The following FYB1 variants were observed in gnomAD, a reference collection of about 807,000 sequenced individuals.
FYB1 encodes FYN-binding protein 1.
FYB1 carries 41 observed loss-of-function variants against 94.1 expected under a neutral mutation model. That is an observed-to-expected ratio of 0.44 (90% CI 0.34 to 0.57). The LOEUF is 0.57. Among genes scored for constraint, FYB1 ranks in the 20% least tolerant of loss-of-function variants. The pLI, the probability that FYB1 is intolerant of heterozygous loss-of-function variation, is 0.02. For missense variants in FYB1, 1,050 were observed against 976.8 expected (o/e 1.07, Z -1.00); for synonymous variants, 367 against 353.2 (o/e 1.04, Z -0.44).
At chr5:39,205,299 G>T (rs1219061917) in intron 1 of FYB1, among the ~76,000 whole-genome samples, 3 of 152,164 alleles carry the variant, frequency 2.0e-5, no homozygotes, top group Non-Finnish European at 4.4e-5. Context: ...TACTCGCTAT[G>T]TAACCTTGGA....
At chr5:39,221,544 G>T (rs983866162), upstream of FYB1, among the ~76,000 whole-genome samples, 4 of 152,158 alleles carry the variant, frequency 2.6e-5, no homozygotes, top group Middle Eastern at 3.2e-3. Context: ...GAAATACCCA[G>T]GAATATGTAA....
intron 3 of FYB1, among the ~76,000 whole-genome samples, chr5:39,146,153 G>A (rs996594568): frequency 5.3e-5 from 8 of 152,126 alleles, no homozygotes; most frequent in Non-Finnish European, 1.0e-4. Flanking sequence ...AACCTCAGGT[G>A]ATTCACCTGC....
intron 2 of FYB1, among the ~76,000 whole-genome samples, chr5:39,163,747 A>G (rs1354709547): frequency 6.6e-6 from 1 of 152,208 alleles, no homozygotes; most frequent in African/African-American, 2.4e-5. Context: ...TAAGAAGGAA[A>G]AATGTCAGCA....
At chr5:39,271,762 T>C (rs756692661) in intron 1 of FYB1, among the ~76,000 whole-genome samples, 1 of 152,220 alleles carries the variant, frequency 6.6e-6, no homozygotes, top group Non-Finnish European at 1.5e-5. Context: ...CTGAAAACTT[T>C]ACATATTATA....
chr5:39,203,181 G>A (rs1183781164), intron 1 of FYB1, among the ~76,000 whole-genome samples, 194 bp from the exon 2 acceptor site: 1 of 152,148 alleles, frequency 6.6e-6, no homozygotes, highest in Non-Finnish European at 1.5e-5. Context: ...GGCTATGGTT[G>A]TGCATATACT....
chr5:39,155,932 A>G (rs1743706423), intron 2 of FYB1, among the ~76,000 whole-genome samples: 1 of 152,196 alleles, frequency 6.6e-6, no homozygotes, highest in Non-Finnish European at 1.5e-5. Context: ...AGTTATTTTA[A>G]TTCATAAATA....
intron 8 of FYB1, 121 bp downstream of exon 8, chr5:39,134,734 C>T: frequency 1.0e-6 from 1 of 1,000,154 alleles, no homozygotes; most frequent in East Asian, 2.6e-5. Context: ...ATTTTCCTCC[C>T]TTTGTCCACT....
chr5:39,115,638 G>T (rs1580300225), intron 16 of FYB1, among the ~76,000 whole-genome samples: 1 of 151,858 alleles, frequency 6.6e-6, no homozygotes, highest in East Asian at 1.9e-4. Flanking sequence ...GGAGAGGGAG[G>T]GTTAAAAAAT....
chr5:39,142,808 T>A (rs1742305445), intron 3 of FYB1, among the ~76,000 whole-genome samples: 1 of 152,168 alleles, frequency 6.6e-6, no homozygotes, highest in African/African-American at 2.4e-5. Context: ...AGCTACCAAA[T>A]CCACTGGACC....
Position 39,179,753 on chromosome 5 carries a change from A to G in FYB1, c.1135+22073T>C, listed in dbSNP as rs140243270. On this transcript the variant is annotated intron_variant, in intron 2 of 18. Coordinates refer to ENST00000512982, the MANE Select transcript of FYB1 (RefSeq NM_001465.6). ...CTTGGCCTCCCAAAGTGTTGAGATT[A>G]CAGGCATGAGTGACCACGCCCAGCC... Among the ~76,000 whole-genome samples the G allele has an allele frequency of 4.0e-3, 612 of 152,204 alleles. 2 individuals are homozygous for G. Among genetic ancestry groups the G allele is most frequent in the Non-Finnish European group, 6.1e-3 (416 of 67,986 alleles).
chr5:39,113,919 G>T (rs1363301072), intron 16 of FYB1, among the ~76,000 whole-genome samples: 1 of 151,746 alleles, frequency 6.6e-6, no homozygotes, highest in African/African-American at 2.4e-5. Flanking sequence ...TTATAAAAAC[G>T]TTCACTCTTC....
chr5:39,145,453 C>A (rs1234304416), intron 3 of FYB1, among the ~76,000 whole-genome samples: 7 of 151,974 alleles, frequency 4.6e-5, no homozygotes, highest in African/African-American at 1.7e-4. Context: ...TTAGTTTGAG[C>A]CATGTGAGTT....
intron 3 of FYB1, among the ~76,000 whole-genome samples, chr5:39,142,358 T>G (rs185716082): frequency 6.6e-6 from 1 of 152,264 alleles, no homozygotes; most frequent in African/African-American, 2.4e-5. Flanking sequence ...AGGTGTGAGC[T>G]CTCTTAAGAA....
At chr5:39,249,132 A>C (rs1751607182) in intron 1 of FYB1, among the ~76,000 whole-genome samples, 1 of 152,024 alleles carries the variant, frequency 6.6e-6, no homozygotes, top group African/African-American at 2.4e-5. Flanking sequence ...TGTAGGGAAC[A>C]GTAAGCAGCC....
chr5:39,170,422 C>G (rs1745147391), intron 2 of FYB1: 1 of 467,354 alleles, frequency 2.1e-6, no homozygotes, highest in Non-Finnish European at 3.9e-6. Context: ...CGGACCCCCT[C>G]AGCAGCAGAC....
chr5:39,264,353 C>A (rs1336097896), intron 1 of FYB1, among the ~76,000 whole-genome samples: 1 of 152,188 alleles, frequency 6.6e-6, no homozygotes, highest in Non-Finnish European at 1.5e-5. Context: ...AGACTATGAC[C>A]AATCTGGCAT....
chr5:39,270,633 T>C (rs549744666), intron 1 of FYB1: 9 of 1,512,834 alleles, frequency 5.9e-6, no homozygotes, highest in African/African-American at 1.4e-5. Context: ...GCAGCTTGGA[T>C]AGTGAATGTG....
At chr5:39,136,245 A>G (rs1217765728) in intron 7 of FYB1, among the ~76,000 whole-genome samples, 2 of 151,624 alleles carry the variant, frequency 1.3e-5, no homozygotes, top group Non-Finnish European at 2.9e-5. Flanking sequence ...AGTTTTTTGT[A>G]TTTTTAGTAG....
chr5:39,131,737 G>A (rs1255808407), intron 9 of FYB1, among the ~76,000 whole-genome samples: 1 of 152,094 alleles, frequency 6.6e-6, no homozygotes, highest in Non-Finnish European at 1.5e-5. Flanking sequence ...CAGGCAGTTG[G>A]AATTATGTGA....
Sources: gnomAD v4.1 joint callset for allele counts (sites outside exome capture counted in the v4.1 genomes callset) on GRCh38, gnomAD v4.1.1 for gene constraint, MANE v1.5 for transcripts, NCBI Gene and HGNC (gene_info 2026-07-23, HGNC 2026-07-21) for gene names.